Variants in VPS13B observed in about 807,000 individuals in gnomAD.
The protein encoded by VPS13B is intermembrane lipid transfer protein VPS13B.
Under a neutral mutation model 426.4 loss-of-function variants are expected in VPS13B, and 285 were observed. That is an observed-to-expected ratio of 0.67 (90% CI 0.61 to 0.74). VPS13B has a LOEUF of 0.74. Ranked by LOEUF, VPS13B falls within the 30% of genes least tolerant of loss-of-function variation. The pLI is 0.00. For synonymous variants in VPS13B, 1,676 were observed against 1,676.4 expected, an observed-to-expected ratio of 1.00 and a Z score of 0.01; for missense variants, 4,537 against 4,782.6, an observed-to-expected ratio of 0.95 and a Z score of 1.51.
intron 19 of VPS13B, among the ~76,000 whole-genome samples, chr8:99,288,873 T>C (rs951008396): frequency 6.6e-6 from 1 of 152,042 alleles, no homozygotes; most frequent in Non-Finnish European, 1.5e-5. Context: ...TATTTTGACA[T>C]AGGAACAAAG....
chr8:99,332,621 C>T (rs904484017), intron 19 of VPS13B, among the ~76,000 whole-genome samples: 16 of 151,682 alleles, frequency 1.1e-4, no homozygotes, highest in Admixed American at 5.9e-4. Flanking sequence ...GCTTTACGTA[C>T]AGTCATAGGC....
At chr8:99,139,744 G>A (rs1371145212) in intron 12 of VPS13B, among the ~76,000 whole-genome samples, 1 of 151,584 alleles carries the variant, frequency 6.6e-6, no homozygotes, top group Non-Finnish European at 1.5e-5. Flanking sequence ...GCCCTCTGTT[G>A]ATATTTCTTT....
intron 20 of VPS13B, among the ~76,000 whole-genome samples, 163 bp from the exon 21 acceptor site, chr8:99,391,394 G>C (rs1311616344): frequency 6.6e-6 from 1 of 151,966 alleles, no homozygotes; most frequent in Non-Finnish European, 1.5e-5. Flanking sequence ...AAGCGGGGCT[G>C]TGGGGACAGA....
intron 17 of VPS13B, among the ~76,000 whole-genome samples, chr8:99,223,401 G>A (rs987914357): frequency 2.0e-5 from 3 of 152,062 alleles, no homozygotes; most frequent in Non-Finnish European, 4.4e-5. Context: ...GTACATACTT[G>A]CTATCTATTG....
intron 17 of VPS13B, among the ~76,000 whole-genome samples, chr8:99,210,378 G>A (rs1054124898): frequency 6.6e-6 from 1 of 151,906 alleles, no homozygotes; most frequent in East Asian, 1.9e-4. Flanking sequence ...GTTCCTTTGG[G>A]GTGTACTTCT....
chr8:99,385,776 C>T (rs763035067), intron 20 of VPS13B, among the ~76,000 whole-genome samples: 1 of 152,124 alleles, frequency 6.6e-6, no homozygotes, highest in Non-Finnish European at 1.5e-5. Context: ...AACAACTAAG[C>T]TGAGTATTCT....
chr8:99,741,133 A>G (rs1256538178), intron 39 of VPS13B, among the ~76,000 whole-genome samples: 1 of 152,238 alleles, frequency 6.6e-6, no homozygotes, highest in African/African-American at 2.4e-5. Flanking sequence ...AGGAAGATCT[A>G]CCAAGCAAAT....
intron 17 of VPS13B, among the ~76,000 whole-genome samples, chr8:99,221,665 T>A (rs1815732559): frequency 6.6e-6 from 1 of 152,190 alleles, no homozygotes; most frequent in African/African-American, 2.4e-5. Flanking sequence ...CTTTGAAATT[T>A]TTTTTGGTGG....
At chr8:99,182,016 C>T (rs1812971324) in intron 16 of VPS13B, among the ~76,000 whole-genome samples, 2 of 152,032 alleles carry the variant, frequency 1.3e-5, no homozygotes, top group Admixed American at 1.3e-4. Context: ...TCACCAAACA[C>T]ATAAAAAAGA....
intron 19 of VPS13B, among the ~76,000 whole-genome samples, chr8:99,377,153 G>A (rs1483956089): frequency 6.6e-6 from 1 of 151,728 alleles, no homozygotes; most frequent in Non-Finnish European, 1.5e-5. Context: ...TTTGCTTAGT[G>A]TAGATTTATT....
At position 99,776,908 on chromosome 8, in the gene VPS13B, G is replaced by T; in HGVS notation, c.7381G>T (p.Ala2461Ser). Residue 2461 changes from alanine (A) to serine (S), a missense_variant, in exon 41 of 62, where the codon GCT (alanine) becomes TCT (serine). By Grantham distance (99) the Ala-to-Ser change is moderately conservative. Around this residue, in one of 2 missense-constraint regions of VPS13B, gnomAD observed 4,311 missense variants for 4,474.3 expected, o/e 0.96. Coordinates refer to ENST00000357162, the MANE Select transcript of VPS13B (RefSeq NM_152564.5). Reference protein sequence around the residue: ...VPSLCVSFQFAHLEFHLCHHL... With the variant: ...VPSLCVSFQFSHLEFHLCHHL... ...ATCCCTTTGCGTTTCTTTCCAGTTTGCTCACCTGGAATTCCATCTTTGTCA... is the reference window on the plus strand; with the variant it reads ...ATCCCTTTGCGTTTCTTTCCAGTTTTCTCACCTGGAATTCCATCTTTGTCA... The T allele has an allele frequency of 6.2e-7, 1 of 1,614,016 alleles. No individual in the cohort carries two copies. The highest frequency in any genetic ancestry group is 8.5e-7 in the Non-Finnish European group (1 of 1,179,978).
At chr8:99,518,362 A>T (rs1822198615) in intron 29 of VPS13B, among the ~76,000 whole-genome samples, 1 of 152,170 alleles carries the variant, frequency 6.6e-6, no homozygotes, top group Admixed American at 6.5e-5. Context: ...AAAATGCAAG[A>T]CCTGTAAAAT....
intron 3 of VPS13B, 63 bp downstream of exon 3, chr8:99,038,629 T>C: frequency 6.8e-7 from 1 of 1,473,106 alleles, no homozygotes; most frequent in South Asian, 1.2e-5. Context: ...GACATTTCTT[T>C]ACCTTTTCAA....
At chr8:99,688,809 A>G (rs967782134) in intron 35 of VPS13B, among the ~76,000 whole-genome samples, 12 of 152,090 alleles carry the variant, frequency 7.9e-5, no homozygotes, top group African/African-American at 2.7e-4. Flanking sequence ...CAGCGTGAAC[A>G]TCCAGCATCC....
At chr8:99,521,794 A>G (rs1173318561) in intron 30 of VPS13B, among the ~76,000 whole-genome samples, 1 of 152,216 alleles carries the variant, frequency 6.6e-6, no homozygotes, top group Non-Finnish European at 1.5e-5. Context: ...ACTGCTAGGA[A>G]AAGATTCTAA....
chr8:99,773,115 A>G (rs1350662516), intron 40 of VPS13B, among the ~76,000 whole-genome samples: 1 of 152,202 alleles, frequency 6.6e-6, no homozygotes, highest in African/African-American at 2.4e-5. Context: ...CATGCTAAGT[A>G]GTTTATATGC....
At chr8:99,190,813 GATA>G (rs925705208) in intron 16 of VPS13B, among the ~76,000 whole-genome samples, 2 of 151,852 alleles carry the variant, frequency 1.3e-5, no homozygotes, top group African/African-American at 4.8e-5. Flanking sequence ...CTTATTAGAA[GATA>G]ATGTTTCTTT....
intron 19 of VPS13B, among the ~76,000 whole-genome samples, chr8:99,276,588 C>T (rs1034699451): frequency 2.0e-5 from 3 of 152,048 alleles, no homozygotes; most frequent in South Asian, 4.2e-4. Context: ...AATGAATGGA[C>T]GTGACTGTGT....
intron 22 of VPS13B, among the ~76,000 whole-genome samples, chr8:99,437,983 A>G (rs1202326886): frequency 6.7e-6 from 1 of 149,408 alleles, no homozygotes; most frequent in Admixed American, 6.6e-5. Flanking sequence ...GGTCATTTAC[A>G]TCGAAGTTCA....
Sources: allele counts gnomAD v4.1 joint callset (sites outside exome capture counted in the v4.1 genomes callset), GRCh38; gene constraint gnomAD v4.1.1; regional missense constraint gnomAD v4.1.1; transcripts MANE v1.5; gene names NCBI Gene and HGNC (gene_info 2026-07-23, HGNC 2026-07-21).